PPFIA1: variants seen among roughly 807,000 people sequenced by gnomAD.
PPFIA1 encodes the protein PPFI scaffold protein A1, also known as liprin-alpha-1.
In PPFIA1, 25 loss-of-function variants were observed where a neutral mutation model predicts 149.9. The observed-to-expected ratio is 0.17, with a 90% CI of 0.12 to 0.23. The LOEUF is 0.23. PPFIA1 is among the 10% of genes least tolerant of loss of function. The probability of loss-of-function intolerance (pLI) is 1.00; values close to 1 mark genes in which losing one functional copy is unlikely to be tolerated. For synonymous variants in PPFIA1, 549 were observed against 552.8 expected (o/e 0.99, Z 0.10); for missense variants, 1,362 against 1,506.5 (o/e 0.90, Z 1.59).
chr11:70,330,250 C>T lies in PPFIA1; in HGVS notation c.1008C>T (p.Ala336=). The T allele has an allele frequency of 1.2e-6, 2 of 1,600,256 alleles. No homozygotes were observed. The highest frequency in any genetic ancestry group is 1.7e-6 in the Non-Finnish European group (2 of 1,174,398). ...EKRYLAAQRE[A]TSVHDLNDKL... is the part of the protein sequence containing the mutation. ...GCTACCTCGCTGCACAGCGTGAAGCCACATCTGTGCATGACCTCAATGATA... is the reference window on the plus strand; with the variant it reads ...GCTACCTCGCTGCACAGCGTGAAGCTACATCTGTGCATGACCTCAATGATA... Residue 336 remains alanine, a synonymous_variant, in exon 8 of 28, where the codon GCC becomes GCT. Transcript: ENST00000253925.
intron 2 of PPFIA1, among the ~76,000 whole-genome samples, chr11:70,317,908 T>C (rs994541167): frequency 6.6e-6 from 1 of 152,164 alleles, no homozygotes; most frequent in Admixed American, 6.5e-5. Context: ...TAATAGACTT[T>C]TAAAAATAAA....
intron 19 of PPFIA1, 56 bp from the exon 20 acceptor site, chr11:70,362,039 G>T (rs778106097): frequency 6.5e-7 from 1 of 1,531,158 alleles, no homozygotes. Flanking sequence ...GGGATTACAG[G>T]TGTGAGCTAC....
intron 2 of PPFIA1, among the ~76,000 whole-genome samples, chr11:70,315,451 G>T (rs1167218761): frequency 6.6e-6 from 1 of 152,022 alleles, no homozygotes; most frequent in Non-Finnish European, 1.5e-5. Flanking sequence ...TGGCACCAGG[G>T]TTTCAAAACA....
chr11:70,378,308 G>T, intron 26 of PPFIA1, 113 bp downstream of exon 26: 2 of 1,396,190 alleles, frequency 1.4e-6, no homozygotes, highest in Non-Finnish European at 1.9e-6. Flanking sequence ...AGGCACTTGA[G>T]TATGGTTGCA....
chr11:70,309,076 T>A (rs1187336880), intron 2 of PPFIA1, among the ~76,000 whole-genome samples: 2 of 152,142 alleles, frequency 1.3e-5, no homozygotes, highest in African/African-American at 4.8e-5. Flanking sequence ...GAATGTATTT[T>A]CTTTGGGTTT....
chr11:70,339,531 G>A (rs2055184901), intron 14 of PPFIA1, among the ~76,000 whole-genome samples: 1 of 151,212 alleles, frequency 6.6e-6, no homozygotes, highest in Admixed American at 6.6e-5. Context: ...TGTTGCCCAA[G>A]CTGGTCTTGA....
Position 70,270,878 on chromosome 11 carries a change from C to T in PPFIA1, c.-37C>T, listed in dbSNP as rs2050026294. On this transcript the variant is annotated 5_prime_UTR_variant, in exon 1 of 28. Transcript: ENST00000253925. ...GAGCGAGCAGCCGCCCGCGAGCCGC[C>T]GCGGAGCCTCCTCGCCCGCTCCCGC... 1 of 150,806 alleles carries T rather than the reference C, an allele frequency of 6.6e-6. No individual in the cohort carries two copies. Among genetic ancestry groups the T allele is most frequent in the African/African-American group, 2.4e-5 (1 of 41,246 alleles). 9.3% of individuals were successfully genotyped at this position (150,806 alleles called of 1,614,324 possible).
chr11:70,342,936 CTTTTTTTTTTTTTTT>C (rs71463672), intron 14 of PPFIA1, among the ~76,000 whole-genome samples: 10 of 78,172 alleles, frequency 1.3e-4, no homozygotes, highest in East Asian at 2.9e-4. Context: ...AATGTACCAC[CTTTTTTTTTTTTTTT>C]TTTTTTTTTT....
intron 7 of PPFIA1, among the ~76,000 whole-genome samples, chr11:70,328,567 C>T (rs1207661518): frequency 1.3e-5 from 2 of 152,020 alleles, no homozygotes; most frequent in Non-Finnish European, 1.5e-5. Flanking sequence ...TATAATACAA[C>T]GATTTATATT....
At chr11:70,277,373 T>C (rs2050473573) in intron 2 of PPFIA1, among the ~76,000 whole-genome samples, 1 of 152,094 alleles carries the variant, frequency 6.6e-6, no homozygotes, top group African/African-American at 2.4e-5. Flanking sequence ...AGTATCATAA[T>C]TATTTTGTAC....
intron 2 of PPFIA1, chr11:70,282,518 ATTTTTTTTTTTTTTTTTTT>A (rs869216935): frequency 2.8e-5 from 2 of 71,444 alleles, no homozygotes; most frequent in African/African-American, 1.3e-4. Flanking sequence ...TTGAGTGCTG[ATTTTTTTTTTTTTTTTTTT>A]TTTTTTTTTG....
intron 21 of PPFIA1, chr11:70,366,006 C>A (rs1378491867): frequency 6.6e-6 from 3 of 451,182 alleles, no homozygotes; most frequent in Non-Finnish European, 1.3e-5. Flanking sequence ...ACTACATGTA[C>A]AGCAGCAAAA....
At chr11:70,283,707 A>G (rs2050915078) in intron 2 of PPFIA1, among the ~76,000 whole-genome samples, 1 of 142,094 alleles carries the variant, frequency 7.0e-6, no homozygotes, top group Non-Finnish European at 1.5e-5. Context: ...AACCTGGCGG[A>G]ATTGTGTAGG....
chr11:70,372,404 G>A lies in PPFIA1; in HGVS notation c.3041+14G>A. The A allele has an allele frequency of 6.2e-7, 1 of 1,613,984 alleles. No homozygotes were observed. The highest frequency in any genetic ancestry group is 8.5e-7 in the Non-Finnish European group (1 of 1,179,874). On this transcript the variant is annotated intron_variant, in intron 22 of 27. Coordinates refer to ENST00000253925, the MANE Select transcript of PPFIA1 (RefSeq NM_003626.5). ...CAGTTTTCACAGGTAACTTAATGGA[G>A]ATAGTTCTTAATAATTGGCTAAGAT...
intron 2 of PPFIA1, among the ~76,000 whole-genome samples, chr11:70,290,850 A>G (rs948082869): frequency 6.6e-6 from 1 of 152,208 alleles, no homozygotes; most frequent in Non-Finnish European, 1.5e-5. Context: ...TTAAAGTTCT[A>G]CTTGAGATGA....
intron 2 of PPFIA1, chr11:70,321,271 G>A (rs1315756428): frequency 6.6e-6 from 1 of 152,240 alleles, no homozygotes; most frequent in Non-Finnish European, 1.5e-5. Context: ...CCAGCCTCGA[G>A]AACTGTGAAG....
At chr11:70,282,386 A>G (rs1345436092) in intron 2 of PPFIA1, 1 of 152,090 alleles carries the variant, frequency 6.6e-6, no homozygotes, top group Admixed American at 6.6e-5. Context: ...CTGATCTCCA[A>G]CTCCAGGGCT....
chr11:70,349,883 G>C (rs2055945988), intron 16 of PPFIA1: 1 of 454,956 alleles, frequency 2.2e-6, no homozygotes, highest in South Asian at 1.6e-5. Flanking sequence ...TTCCGTCATT[G>C]GTTTTGATTT....
At chr11:70,344,166 C>T (rs2055533382) in intron 15 of PPFIA1, among the ~76,000 whole-genome samples, 1 of 152,222 alleles carries the variant, frequency 6.6e-6, no homozygotes, top group Admixed American at 6.5e-5. Flanking sequence ...GAGAAGCTCG[C>T]CACATAGCTG....
Sources: gnomAD v4.1 joint callset for allele counts (sites outside exome capture counted in the v4.1 genomes callset) on GRCh38, gnomAD v4.1.1 for gene constraint, MANE v1.5 for transcripts, NCBI Gene and HGNC (gene_info 2026-07-23, HGNC 2026-07-21) for gene names.